Variants in LRRC7 observed in about 807,000 individuals in gnomAD.
LRRC7 encodes leucine-rich repeat-containing protein 7.
Under a neutral mutation model 175.7 loss-of-function variants are expected in LRRC7, and 23 were observed. That is an observed-to-expected ratio of 0.13 (90% CI 0.09 to 0.19). LRRC7 has a LOEUF of 0.19. Among genes scored for constraint, LRRC7 ranks in the 10% least tolerant of loss-of-function variants. The pLI, the probability that LRRC7 is intolerant of heterozygous loss-of-function variation, is 1.00. For synonymous variants in LRRC7, 685 were observed against 680.9 expected, an observed-to-expected ratio of 1.01 and a Z score of -0.09; for missense variants, 1,354 against 1,904.7, an observed-to-expected ratio of 0.71 and a Z score of 5.38.
rs765085458 is a variant in LRRC7 at position 70,076,123 on chromosome 1, A to G, written c.4277A>G (p.His1426Arg). ...TTGATGGGGTCCCAAAGCCTTCAGC[A>G]TCGCAGCCGGGAGCAGCAGCCGTAT... is the stretch of plus-strand genomic sequence containing the variant. The part of the protein sequence containing the change: ...QTLMGSQSLQ[H>R]RSREQQPYEG... Residue 1426 changes from histidine (H) to arginine (R), a missense_variant, in exon 24 of 27, where the codon CAT (histidine) becomes CGT (arginine). His to Arg is a conservative substitution (Grantham distance 29). Around this residue, in one of 4 missense-constraint regions of LRRC7, gnomAD observed 1,032 missense variants for 1,227.2 expected, o/e 0.84. Transcript: ENST00000651989. 1 of 1,614,040 alleles carries G rather than the reference A, an allele frequency of 6.2e-7. No homozygotes were observed.
chr1:69,879,243 G>A (rs1168457910), intron 7 of LRRC7, among the ~76,000 whole-genome samples: 3 of 113,972 alleles, frequency 2.6e-5, no homozygotes, highest in East Asian at 2.4e-4. Context: ...AAAAGACTGC[G>A]CACTGGCCAG....
chr1:69,912,260 G>A (rs1292476485), intron 7 of LRRC7, among the ~76,000 whole-genome samples: 1 of 152,146 alleles, frequency 6.6e-6, no homozygotes, highest in African/African-American at 2.4e-5. Context: ...CACATTGTGT[G>A]TCCTTGTATA....
intron 2 of LRRC7, among the ~76,000 whole-genome samples, chr1:69,681,161 GT>G (rs1172797151): frequency 6.6e-6 from 1 of 152,096 alleles, no homozygotes; most frequent in Admixed American, 6.6e-5. Flanking sequence ...GGTCATTCAT[GT>G]TTGATATTAG....
At chr1:69,926,690 C>T (rs1452457870) in intron 7 of LRRC7, among the ~76,000 whole-genome samples, 1 of 151,812 alleles carries the variant, frequency 6.6e-6, no homozygotes, top group Admixed American at 6.6e-5. Context: ...TTATTTTGAG[C>T]CTATATATTT....
chr1:69,771,610 T>C (rs1254667908), intron 3 of LRRC7, among the ~76,000 whole-genome samples: 1 of 152,158 alleles, frequency 6.6e-6, no homozygotes, highest in African/African-American at 2.4e-5. Flanking sequence ...AACTCAAGAT[T>C]TTAGGTAAAA....
intron 7 of LRRC7, among the ~76,000 whole-genome samples, chr1:69,839,554 C>A (rs990376888): frequency 1.3e-5 from 2 of 150,886 alleles, no homozygotes; most frequent in Non-Finnish European, 2.9e-5. Context: ...GCAGCTAGTG[C>A]CACTGAGTCC....
At chr1:69,683,793 T>TA (rs1297329185) in intron 2 of LRRC7, among the ~76,000 whole-genome samples, 1 of 152,030 alleles carries the variant, frequency 6.6e-6, no homozygotes, top group Non-Finnish European at 1.5e-5. Flanking sequence ...CAGGGAATTA[T>TA]AAAAAACTAA....
At chr1:69,689,271 C>T (rs1269167873) in intron 2 of LRRC7, among the ~76,000 whole-genome samples, 1 of 152,104 alleles carries the variant, frequency 6.6e-6, no homozygotes, top group Non-Finnish European at 1.5e-5. Flanking sequence ...TGCAGGAGCT[C>T]AGAAAGGTTC....
Position 70,018,673 on chromosome 1 carries a change from A to G in LRRC7, c.1321-46A>G, listed in dbSNP as rs769263707. 3.0e-6 allele frequency: 4 copies of G among 1,327,844 alleles called. No homozygotes were observed. The Admixed American group carries it at 7.0e-5, about 23-fold the overall frequency. 82.3% of individuals were successfully genotyped at this position (1,327,844 alleles called of 1,614,324 possible). A position where few individuals can be genotyped will look rare whatever the true frequency, so the allele number is the denominator to read the frequency against. ...GTGAGACCAGACTATTGACTGTTAT[A>G]TATTTGCAATTGTATTCATCTAATT... On this transcript the variant is annotated intron_variant, in intron 14 of 26. Transcript: ENST00000651989.
chr1:69,806,140 T>C (rs1373506143), intron 4 of LRRC7, among the ~76,000 whole-genome samples: 4 of 151,966 alleles, frequency 2.6e-5, no homozygotes, highest in Non-Finnish European at 4.4e-5. Context: ...ACCTTGTTTC[T>C]AGATCCACAA....
At chr1:69,678,807 G>C (rs1320614573) in intron 2 of LRRC7, among the ~76,000 whole-genome samples, 1 of 152,126 alleles carries the variant, frequency 6.6e-6, no homozygotes, top group African/African-American at 2.4e-5. Context: ...ACGTCCTGAA[G>C]TAAAGAAACT....
chr1:69,809,510 G>A (rs1011568926), intron 4 of LRRC7, among the ~76,000 whole-genome samples: 6 of 152,106 alleles, frequency 3.9e-5, no homozygotes, highest in South Asian at 2.1e-4. Flanking sequence ...GGTGAACATC[G>A]ATGCAAAAAT....
chr1:69,844,082 C>A (rs1221681880), intron 7 of LRRC7, among the ~76,000 whole-genome samples: 2 of 152,072 alleles, frequency 1.3e-5, no homozygotes, highest in African/African-American at 4.8e-5. Context: ...TCAAGTAATT[C>A]AGAAAAACAT....
chr1:69,675,484 A>C (rs1404627580), intron 1 of LRRC7, among the ~76,000 whole-genome samples: 1 of 152,158 alleles, frequency 6.6e-6, no homozygotes, highest in Non-Finnish European at 1.5e-5. Flanking sequence ...TCAGAGTGTA[A>C]TCACAATGAG....
At chr1:70,021,210 G>A in intron 16 of LRRC7, 81 bp downstream of exon 16, 1 of 1,380,200 alleles carries the variant, frequency 7.2e-7, no homozygotes, top group Non-Finnish European at 1.0e-6. Context: ...TAGATTTTGG[G>A]ACAAAGTCAG....
chr1:69,579,881 G>T (rs1434665958), intron 1 of LRRC7, among the ~76,000 whole-genome samples: 1 of 146,758 alleles, frequency 6.8e-6, no homozygotes, highest in Non-Finnish European at 1.5e-5. Flanking sequence ...CAGTCCTCCT[G>T]CCTTCGCCTC....
At chr1:69,922,694 A>G (rs138603625) in intron 7 of LRRC7, among the ~76,000 whole-genome samples, 1 of 152,234 alleles carries the variant, frequency 6.6e-6, no homozygotes, top group East Asian at 1.9e-4. Flanking sequence ...AATTACCACT[A>G]ATCTCCATGT....
rs912983924 is a variant in LRRC7 at position 69,648,720 on chromosome 1, T to C, written c.3-29661T>C. Among the ~76,000 whole-genome samples, 25 of 152,216 alleles carry C rather than the reference T, an allele frequency of 1.6e-4. 1 individual carries two copies. The highest frequency in any genetic ancestry group is 6.0e-4 in the African/African-American group (25 of 41,448). On this transcript the variant is annotated intron_variant, in intron 1 of 26. Coordinates refer to ENST00000651989, the MANE Select transcript of LRRC7 (RefSeq NM_001370785.2). ...ATACATACTGGCTTCCAGCTCTTGCTACTCTCTGCCCTCTCTTGGGCTTCT... is the reference window on the plus strand; with the variant it reads ...ATACATACTGGCTTCCAGCTCTTGCCACTCTCTGCCCTCTCTTGGGCTTCT...
chr1:69,693,622 T>TCTA (rs1553141115), intron 2 of LRRC7, among the ~76,000 whole-genome samples: 4 of 151,806 alleles, frequency 2.6e-5, no homozygotes, highest in Admixed American at 2.6e-4. Flanking sequence ...TTACTCTAAA[T>TCTA]CCAATTTAAA....
Sources: allele counts gnomAD v4.1 joint callset (sites outside exome capture counted in the v4.1 genomes callset), GRCh38; gene constraint gnomAD v4.1.1; regional missense constraint gnomAD v4.1.1; transcripts MANE v1.5; gene names NCBI Gene and HGNC (gene_info 2026-07-23, HGNC 2026-07-21).